The following USP47 variants were observed in gnomAD, a reference collection of about 807,000 sequenced individuals.
The protein encoded by USP47 is ubiquitin carboxyl-terminal hydrolase 47.
USP47 carries 35 observed loss-of-function variants against 165.1 expected under a neutral mutation model. The ratio of observed to expected loss-of-function variants is 0.21; its 90% confidence interval spans 0.16 to 0.28. The LOEUF (loss-of-function observed/expected upper bound fraction) is 0.28. USP47 is among the 10% of genes least tolerant of loss of function. The pLI is 1.00. For synonymous variants in USP47, 531 were observed against 544.5 expected, an observed-to-expected ratio of 0.98 and a Z score of 0.35; for missense variants, 1,277 against 1,607.4, an observed-to-expected ratio of 0.79 and a Z score of 3.52.
chr11:11,851,116 T>A (rs1389530392), intron 1 of USP47, among the ~76,000 whole-genome samples: 1 of 152,224 alleles, frequency 6.6e-6, no homozygotes, highest in Non-Finnish European at 1.5e-5. Context: ...TGTGCTGGAT[T>A]GTTTTCCCAG....
At chr11:11,937,683 G>A (rs1018438955) in intron 17 of USP47, among the ~76,000 whole-genome samples, 3 of 150,928 alleles carry the variant, frequency 2.0e-5, no homozygotes, top group African/African-American at 7.3e-5. Flanking sequence ...TGGATTGTAA[G>A]ACTTATAAAG....
chr11:11,923,377 G>A (rs970544894), intron 11 of USP47, among the ~76,000 whole-genome samples: 7 of 151,950 alleles, frequency 4.6e-5, no homozygotes, highest in Non-Finnish European at 1.5e-5. Flanking sequence ...TTTCTGAGTA[G>A]GGAAATGCCA....
intron 13 of USP47, 90 bp from the exon 14 acceptor site, chr11:11,930,606 A>T: frequency 9.8e-7 from 1 of 1,018,330 alleles, no homozygotes; most frequent in Non-Finnish European, 1.5e-6. Context: ...TTGTTTTTTA[A>T]AAAATCACAA....
chr11:11,939,989 CA>C (rs1564889412), intron 18 of USP47, among the ~76,000 whole-genome samples: 1 of 151,942 alleles, frequency 6.6e-6, no homozygotes, highest in Non-Finnish European at 1.5e-5. Context: ...TCATTTTACA[CA>C]AAGGAAAATT....
chr11:11,843,713 A>G (rs1380872212), intron 1 of USP47, among the ~76,000 whole-genome samples: 1 of 152,226 alleles, frequency 6.6e-6, no homozygotes. Flanking sequence ...AAAACCCAAC[A>G]TTAGATTTAT....
chr11:11,854,010 C>T (rs1848878075), intron 1 of USP47, among the ~76,000 whole-genome samples: 1 of 151,158 alleles, frequency 6.6e-6, no homozygotes, highest in African/African-American at 2.4e-5. Context: ...TGGTGGGCGC[C>T]TGTAGTCCCA....
chr11:11,942,834 A>G lies in USP47; in HGVS notation c.2813A>G (p.Asp938Gly). 6.2e-7 allele frequency: 1 copy of G among 1,613,760 alleles called. No homozygotes were observed. Among genetic ancestry groups the G allele is most frequent in the Non-Finnish European group, 8.5e-7 (1 of 1,179,788 alleles). Residue 938 changes from aspartate (D) to glycine (G), a missense_variant, in exon 20 of 28, where the codon GAC becomes GGC. Physicochemically the swap from Asp to Gly is moderately conservative, Grantham distance 94 (BLOSUM62 -1). Around this residue, in one of 4 missense-constraint regions of USP47, gnomAD observed 909 missense variants for 1,068.1 expected, o/e 0.85. Transcript: ENST00000527733. ...AATGACAGGAGTACAAGTTCAGTGG[A>G]CAGTGATATTCTTAGCTCCAGTCAT... The part of the protein sequence containing the change: ...VNNDRSTSSV[D>G]SDILSSSHSS...
At chr11:11,849,098 C>A in intron 1 of USP47, among the ~76,000 whole-genome samples, 1 of 151,446 alleles carries the variant, frequency 6.6e-6, no homozygotes, top group East Asian at 2.0e-4. Context: ...GATGGAGTTT[C>A]ACTATTATTG....
chr11:11,924,028 C>T lies in USP47; in HGVS notation c.1386+1137C>T, dbSNP rs141313011. ...TCTTGTCTCACTGCACTCTGTGGGA[C>T]TTCCAATGCAGTGTTGAATAGAGTG... On this transcript the variant is annotated intron_variant, in intron 11 of 27. Coordinates refer to ENST00000527733, the MANE Select transcript of USP47 (RefSeq NM_001282659.2). Among the ~76,000 whole-genome samples, 179 of 152,340 alleles carry T rather than the reference C, an allele frequency of 1.2e-3. 1 individual carries two copies. In the East Asian group the frequency reaches 0.012, roughly 10 times the overall value.
intron 8 of USP47, among the ~76,000 whole-genome samples, chr11:11,909,626 C>G (rs1214639850): frequency 8.5e-5 from 13 of 152,236 alleles, no homozygotes; most frequent in East Asian, 7.7e-4. Context: ...ATGGCAGACA[C>G]TGTTCTAGGC....
Position 11,897,606 on chromosome 11 carries a change from G to A in USP47, c.506G>A (p.Gly169Glu), listed in dbSNP as rs762595912. The A allele has an allele frequency of 6.2e-7, 1 of 1,607,016 alleles. No individual in the cohort carries two copies. The highest frequency in any genetic ancestry group is 8.5e-7 in the Non-Finnish European group (1 of 1,176,452). ...TATTTTCTCTTTAAAGGATATGTGG[G>A]ACTAGTAAACCAAGCAATGACTTGC... ...ILNKSETGYV[G>E]LVNQAMTCYL... is the part of the protein sequence containing the mutation. The change falls in exon 5 of 28, where the codon GGA becomes GAA. Residue 169 changes from glycine to glutamate, a missense_variant. Gly to Glu is a moderately conservative substitution (Grantham distance 98, BLOSUM62 -2). Around this residue, in one of 4 missense-constraint regions of USP47, gnomAD observed 12 missense variants for 48.8 expected, o/e 0.25. Transcript: ENST00000527733.
At chr11:11,925,560 T>C (rs1854177402) in intron 11 of USP47, among the ~76,000 whole-genome samples, 1 of 152,164 alleles carries the variant, frequency 6.6e-6, no homozygotes, top group Non-Finnish European at 1.5e-5. Flanking sequence ...AAATTGTTAG[T>C]ATTTAGAAAT....
At chr11:11,943,898 T>G (rs149333772) in intron 20 of USP47, 1 of 152,014 alleles carries the variant, frequency 6.6e-6, no homozygotes, top group East Asian at 1.9e-4. Context: ...ATATTACTCC[T>G]TATATTTTTA....
At chr11:11,868,678 T>A in intron 1 of USP47, among the ~76,000 whole-genome samples, 1 of 151,898 alleles carries the variant, frequency 6.6e-6, no homozygotes, top group East Asian at 1.9e-4. Context: ...AGTTGTATGG[T>A]AATTGTATAT....
intron 1 of USP47, among the ~76,000 whole-genome samples, chr11:11,867,047 G>A (rs1031895021): frequency 6.6e-6 from 1 of 152,114 alleles, no homozygotes; most frequent in Non-Finnish European, 1.5e-5. Context: ...ACAGGTGTGT[G>A]CCACCACACC....
intron 16 of USP47, 63 bp from the exon 17 acceptor site, chr11:11,936,240 A>G: frequency 2.4e-6 from 2 of 829,840 alleles, no homozygotes; most frequent in Non-Finnish European, 3.2e-6. Context: ...GTATTTATAT[A>G]TGTATATATA....
At chr11:11,898,704 T>C (rs1852002460) in intron 5 of USP47, among the ~76,000 whole-genome samples, 1 of 152,156 alleles carries the variant, frequency 6.6e-6, no homozygotes. Context: ...CCAAATACCA[T>C]TAGAGTTTAA....
At position 11,892,046 on chromosome 11, in the gene USP47, A is replaced by G; in HGVS notation, c.436A>G (p.Thr146Ala). Residue 146 changes from threonine (T) to alanine (A), a missense_variant, in exon 4 of 28, where the codon ACC (threonine) becomes GCC (alanine). Thr to Ala is a moderately conservative substitution (Grantham distance 58). Transcript: ENST00000527733. ...TCCAAGAGAAGGTTCTGGGGGTTCT[A>G]CCAGTGATTATGTCAGCCAAAGCTA... ...PLPREGSGGS[T>A]SDYVSQSYSY... 1.2e-6 allele frequency: 2 copies of G among 1,613,920 alleles called. No homozygotes were observed. Among genetic ancestry groups the G allele is most frequent in the Non-Finnish European group, 1.7e-6 (2 of 1,179,884 alleles).
intron 4 of USP47, 132 bp from the exon 5 acceptor site, chr11:11,897,465 C>A: frequency 3.1e-6 from 2 of 638,716 alleles, no homozygotes; most frequent in Non-Finnish European, 5.3e-6. Context: ...TGCTGTTGAA[C>A]AAGTTGAAAT....
Sources: allele counts gnomAD v4.1 joint callset (sites outside exome capture counted in the v4.1 genomes callset), GRCh38; gene constraint gnomAD v4.1.1; regional missense constraint gnomAD v4.1.1; transcripts MANE v1.5; gene names NCBI Gene and HGNC (gene_info 2026-07-23, HGNC 2026-07-21).